The following AGXT2 variants were observed in gnomAD, a reference collection of about 807,000 sequenced individuals.
AGXT2 encodes the protein alanine--glyoxylate aminotransferase 2.
In AGXT2, 61 loss-of-function variants were observed where a neutral mutation model predicts 62.5. That is an observed-to-expected ratio of 0.98 (90% CI 0.79 to 1.21). The LOEUF (loss-of-function observed/expected upper bound fraction) is 1.21. AGXT2 is among the 50% of genes most tolerant of loss of function. AGXT2 has a pLI of 0.00. For missense variants in AGXT2, 666 were observed against 641.5 expected, an observed-to-expected ratio of 1.04 and a Z score of -0.41; for synonymous variants, 243 against 218.7, an observed-to-expected ratio of 1.11 and a Z score of -0.98.
intron 12 of AGXT2, among the ~76,000 whole-genome samples, chr5:35,008,364 A>G (rs747585025): frequency 4.6e-5 from 7 of 152,176 alleles, no homozygotes; most frequent in Non-Finnish European, 8.8e-5. Flanking sequence ...GAGCACACAG[A>G]GGTTGGGTTC....
rs531799275 is a variant in AGXT2, at chr5:35,007,970, T to C, written c.1338+2030A>G. On this transcript the variant is annotated intron_variant, in intron 12 of 13. Coordinates refer to ENST00000231420, the MANE Select transcript of AGXT2 (RefSeq NM_031900.4). ...CTCTTGCTTTCTCTCTCTCTCTCTC[T>C]CCCTCATCAGTGACCTCTGCATATG... Among the ~76,000 whole-genome samples the C allele has an allele frequency of 9.4e-4, 143 of 152,014 alleles. 2 individuals are homozygous for C. The highest frequency in any genetic ancestry group is 1.2e-3 in the Non-Finnish European group (80 of 68,016).
In AGXT2 at chr5:35,037,077, G is replaced by C; in HGVS notation, c.363-12C>G. On this transcript the variant is annotated splice_polypyrimidine_tract_variant and intron_variant, in intron 3 of 13. Coordinates refer to ENST00000231420, the MANE Select transcript of AGXT2 (RefSeq NM_031900.4). ...CTGCATTCACCTTTCTGGATAAGCA[G>C]TACAGCAGAGTTACCTGCACTGCGT... The C allele has an allele frequency of 6.2e-7, 1 of 1,613,732 alleles. No individual in the cohort carries two copies. The highest frequency in any genetic ancestry group is 8.5e-7 in the Non-Finnish European group (1 of 1,179,954).
chr5:35,010,098 T>C lies in AGXT2; in HGVS notation c.1240A>G (p.Met414Val), dbSNP rs768459704. Residue 414 changes from methionine (M) to valine (V), a missense_variant, in exon 12 of 14, where the codon ATG becomes GTG. Transcript: ENST00000231420. ...QENSQEVGTY[M>V]LLKFAKLRDE... ...CGCAGCTTAGCAAACTTTAGTAACATGTAGGTCCCAACTTCTTGACTGTTT... is the reference window on the plus strand; with the variant it reads ...CGCAGCTTAGCAAACTTTAGTAACACGTAGGTCCCAACTTCTTGACTGTTT... The C allele has an allele frequency of 1.2e-6, 2 of 1,614,218 alleles. No individual in the cohort carries two copies. Among genetic ancestry groups the C allele is most frequent in the Middle Eastern group, 1.6e-4 (1 of 6,062 alleles).
At chr5:35,018,235 A>G (rs999937785) in intron 9 of AGXT2, among the ~76,000 whole-genome samples, 3 of 152,112 alleles carry the variant, frequency 2.0e-5, no homozygotes, top group Non-Finnish European at 4.4e-5. Flanking sequence ...TCACAAAGAT[A>G]CTCCTTGAGA....
chr5:35,017,447 G>A (rs79203717), intron 9 of AGXT2, among the ~76,000 whole-genome samples: 3,359 of 152,262 alleles, frequency 0.022, 128 homozygotes, highest in African/African-American at 0.078. Flanking sequence ...CATGGGGGTG[G>A]TTCCCCCATA....
chr5:35,026,767 T>G (rs1767370254), intron 7 of AGXT2: 1 of 911,830 alleles, frequency 1.1e-6, no homozygotes, highest in African/African-American at 1.8e-5. Flanking sequence ...ACTTCAGTTC[T>G]TTCCATCTGG....
chr5:34,998,716 A>C lies in AGXT2; in HGVS notation c.*3T>G. The C allele has an allele frequency of 6.2e-7, 1 of 1,606,932 alleles. No individual in the cohort carries two copies. The highest frequency in any genetic ancestry group is 2.2e-5 in the East Asian group (1 of 44,820). On this transcript the variant is annotated 3_prime_UTR_variant, in exon 14 of 14. Transcript: ENST00000231420. ...CTTGTGGTTTTATTTATTTCTGACA[A>C]TGTTACTTAGCTCTTCTTTCCATGT...
intron 9 of AGXT2, among the ~76,000 whole-genome samples, chr5:35,019,289 C>A (rs1461559023): frequency 6.7e-6 from 1 of 148,528 alleles, no homozygotes; most frequent in Non-Finnish European, 1.5e-5. Context: ...CAGCACCACA[C>A]CACACCTATT....
At chr5:35,021,382 T>C (rs1767075013) in intron 9 of AGXT2, among the ~76,000 whole-genome samples, 1 of 151,060 alleles carries the variant, frequency 6.6e-6, no homozygotes, top group East Asian at 2.0e-4. Flanking sequence ...GAGATATAGA[T>C]CAATGGAACA....
chr5:35,034,610 C>T (rs1303637413), intron 5 of AGXT2, among the ~76,000 whole-genome samples: 1 of 152,136 alleles, frequency 6.6e-6, no homozygotes, highest in African/African-American at 2.4e-5. Flanking sequence ...CCAAGGGAGG[C>T]AACTGTAAGC....
At chr5:35,038,716 AAG>A (rs1404194737) in intron 3 of AGXT2, among the ~76,000 whole-genome samples, 1 of 152,226 alleles carries the variant, frequency 6.6e-6, no homozygotes, top group African/African-American at 2.4e-5. Context: ...TATTAAAGAA[AAG>A]AGAGAACAGA....
intron 9 of AGXT2, among the ~76,000 whole-genome samples, chr5:35,021,770 A>C (rs1164332679): frequency 6.6e-6 from 1 of 151,952 alleles, no homozygotes. Context: ...AGAAACTACC[A>C]TCAGAGTGAA....
rs531312863 is a variant in AGXT2, at chr5:35,038,964, G to A, written c.362+360C>T. ...TATTTCTCATCTCTCATCATCCCTC[G>A]CCTGACAAGCCTGTCATGTGTTTCT... On this transcript the variant is annotated intron_variant, in intron 3 of 13. Transcript: ENST00000231420. Among the ~76,000 whole-genome samples the A allele has an allele frequency of 1.1e-4, 16 of 151,984 alleles. No individual in the cohort carries two copies. The East Asian group carries it at 1.4e-3, about 13-fold the overall frequency.
At chr5:35,031,841 C>T (rs1234225304) in intron 7 of AGXT2, among the ~76,000 whole-genome samples, 2 of 145,864 alleles carry the variant, frequency 1.4e-5, no homozygotes, top group Non-Finnish European at 3.0e-5. Context: ...TATTTTCCCT[C>T]TTTCCACTGG....
At chr5:35,042,715 T>G (rs1187033137) in intron 1 of AGXT2, among the ~76,000 whole-genome samples, 1 of 150,962 alleles carries the variant, frequency 6.6e-6, no homozygotes, top group African/African-American at 2.5e-5. Context: ...AGTGTGTATG[T>G]GTATATATGC....
intron 13 of AGXT2, among the ~76,000 whole-genome samples, chr5:34,999,857 T>G (rs1766164865): frequency 6.6e-6 from 1 of 152,172 alleles, no homozygotes; most frequent in South Asian, 2.1e-4. Flanking sequence ...ATTGTCCACC[T>G]ATGCCCTTGA....
chr5:35,047,523 T>TA (rs895477812), intron 1 of AGXT2, among the ~76,000 whole-genome samples: 4 of 152,194 alleles, frequency 2.6e-5, no homozygotes, highest in Non-Finnish European at 5.9e-5. Context: ...CTTTGGTTTT[T>TA]AAAAATATTG....
chr5:35,021,059 C>G (rs1170218559), intron 9 of AGXT2, among the ~76,000 whole-genome samples: 1 of 152,122 alleles, frequency 6.6e-6, no homozygotes, highest in East Asian at 1.9e-4. Context: ...AACCACTGCT[C>G]AAGGAAATAA....
intron 11 of AGXT2, among the ~76,000 whole-genome samples, chr5:35,010,908 C>T (rs1353300216): frequency 1.3e-5 from 2 of 152,192 alleles, no homozygotes; most frequent in African/African-American, 4.8e-5. Context: ...CATGGACTCT[C>T]ATAGCCAAGC....
Sources: gnomAD v4.1 joint callset for allele counts (sites outside exome capture counted in the v4.1 genomes callset) on GRCh38, gnomAD v4.1.1 for gene constraint, MANE v1.5 for transcripts, NCBI Gene and HGNC (gene_info 2026-07-23, HGNC 2026-07-21) for gene names.